The following MOB3B variants were observed in gnomAD, a reference collection of about 807,000 sequenced individuals.
The protein encoded by MOB3B is MOB kinase activator 3B.
In MOB3B, 7 loss-of-function variants were observed where a neutral mutation model predicts 18.7. The ratio of observed to expected loss-of-function variants is 0.37; its 90% CI spans 0.21 to 0.70. The LOEUF (loss-of-function observed/expected upper bound fraction) is 0.70. Ranked by LOEUF, MOB3B falls within the 30% of genes least tolerant of loss-of-function variation. MOB3B has a pLI of 0.52. For synonymous variants in MOB3B, 111 were observed against 99.9 expected (o/e 1.11, Z -0.66); for missense variants, 253 against 281.3 (o/e 0.90, Z 0.72).
chr9:27,444,042 C>T (rs1465747616), intron 2 of MOB3B, among the ~76,000 whole-genome samples: 1 of 151,942 alleles, frequency 6.6e-6, no homozygotes, highest in African/African-American at 2.4e-5. Context: ...AGCACAAGGC[C>T]ATGGCAGATG....
intron 2 of MOB3B, among the ~76,000 whole-genome samples, chr9:27,359,501 C>T (rs1821243520): frequency 6.6e-6 from 1 of 152,176 alleles, no homozygotes; most frequent in East Asian, 1.9e-4. Flanking sequence ...GTTAGAGCTT[C>T]TAATTTTTCA....
At chr9:27,406,421 A>C (rs1001124184) in intron 2 of MOB3B, among the ~76,000 whole-genome samples, 1 of 152,258 alleles carries the variant, frequency 6.6e-6, no homozygotes, top group African/African-American at 2.4e-5. Context: ...AAAACCTGGA[A>C]TAGCCGAAGC....
chr9:27,425,935 A>T (rs1822322198), intron 2 of MOB3B, among the ~76,000 whole-genome samples: 1 of 152,308 alleles, frequency 6.6e-6, no homozygotes, highest in East Asian at 1.9e-4. Context: ...GTGACGGCAA[A>T]CTGACTTATC....
At chr9:27,509,001 G>A (rs1024377927) in intron 1 of MOB3B, among the ~76,000 whole-genome samples, 2 of 152,122 alleles carry the variant, frequency 1.3e-5, no homozygotes, top group Non-Finnish European at 2.9e-5. Flanking sequence ...GAGTGCTGTC[G>A]TCAGTTGGCG....
chr9:27,371,236 G>T (rs1172909894), intron 2 of MOB3B, among the ~76,000 whole-genome samples: 1 of 152,216 alleles, frequency 6.6e-6, no homozygotes, highest in Non-Finnish European at 1.5e-5. Context: ...GATCCTCTTT[G>T]TACAGTTGGG....
chr9:27,354,091 GGTTCCC>G, intron 3 of MOB3B, among the ~76,000 whole-genome samples: 1 of 152,336 alleles, frequency 6.6e-6, no homozygotes, highest in Non-Finnish European at 1.5e-5. Flanking sequence ...TGTTTGCCTG[GGTTCCC>G]AGGCTGCCAG....
At chr9:27,342,086 G>A (rs1279843665) in intron 3 of MOB3B, among the ~76,000 whole-genome samples, 1 of 152,166 alleles carries the variant, frequency 6.6e-6, no homozygotes, top group Non-Finnish European at 1.5e-5. Context: ...ATGGATGAAT[G>A]CCTGTGGCTG....
chr9:27,436,037 C>T (rs572051279), intron 2 of MOB3B, among the ~76,000 whole-genome samples: 11 of 149,584 alleles, frequency 7.4e-5, no homozygotes, highest in Non-Finnish European at 1.3e-4. Context: ...AGTTTTCTCA[C>T]GTCAGGACCT....
intron 2 of MOB3B, among the ~76,000 whole-genome samples, chr9:27,391,983 C>T (rs7021700): frequency 0.22 from 33,387 of 152,074 alleles, 4,699 homozygotes; most frequent in East Asian, 0.67. Context: ...GGCAAAAATA[C>T]AGAATTCTCA....
At chr9:27,458,545 A>C (rs1046000554) in intron 1 of MOB3B, among the ~76,000 whole-genome samples, 1 of 141,324 alleles carries the variant, frequency 7.1e-6, no homozygotes, top group Admixed American at 6.9e-5. Flanking sequence ...AGACAGGAAG[A>C]TCACCTGAAC....
chr9:27,372,312 A>G (rs1821435147), intron 2 of MOB3B, among the ~76,000 whole-genome samples: 2 of 152,262 alleles, frequency 1.3e-5, no homozygotes, highest in South Asian at 4.1e-4. Flanking sequence ...TATAACCTAA[A>G]GTAGAAAATA....
rs150465650 is a variant in MOB3B, at chr9:27,362,999, G to A, written c.419-3763C>T. On this transcript the variant is annotated intron_variant, in intron 2 of 3. Transcript: ENST00000262244. ...AGACTCTGGAACTTTCTCATTCTATGTAACTAACCTCATGGCAGCAAGATA... is the reference window on the plus strand; with the variant it reads ...AGACTCTGGAACTTTCTCATTCTATATAACTAACCTCATGGCAGCAAGATA... Among the ~76,000 whole-genome samples, 17 of 152,268 alleles carry A rather than the reference G, an allele frequency of 1.1e-4. 1 individual carries two copies. In the East Asian group the frequency reaches 3.3e-3, roughly 29 times the overall value.
At chr9:27,359,332 A>T in intron 2 of MOB3B, 96 bp from the exon 3 acceptor site, 1 of 846,112 alleles carries the variant, frequency 1.2e-6, no homozygotes, top group Non-Finnish European at 1.8e-6. Flanking sequence ...GCAATGCTAC[A>T]GGGAGACTGG....
At chr9:27,487,206 T>G (rs1819741777) in intron 1 of MOB3B, among the ~76,000 whole-genome samples, 1 of 151,798 alleles carries the variant, frequency 6.6e-6, no homozygotes, top group African/African-American at 2.4e-5. Flanking sequence ...AACGTTTCTA[T>G]AAGTCATGCC....
chr9:27,501,058 C>G (rs1819984832), intron 1 of MOB3B, among the ~76,000 whole-genome samples: 2 of 152,154 alleles, frequency 1.3e-5, no homozygotes, highest in African/African-American at 4.8e-5. Flanking sequence ...GAGATACCAT[C>G]TCACACTAGT....
At chr9:27,377,893 G>C (rs1821514819) in intron 2 of MOB3B, among the ~76,000 whole-genome samples, 1 of 152,210 alleles carries the variant, frequency 6.6e-6, no homozygotes, top group Non-Finnish European at 1.5e-5. Flanking sequence ...GTCCCCCACA[G>C]GGGGTTGAAG....
intron 2 of MOB3B, among the ~76,000 whole-genome samples, chr9:27,401,233 T>C (rs936826923): frequency 6.6e-6 from 1 of 152,174 alleles, no homozygotes; most frequent in Non-Finnish European, 1.5e-5. Flanking sequence ...GAGACTTCAC[T>C]CCCTCCTCAT....
chr9:27,479,478 C>T (rs1342409407), intron 1 of MOB3B, among the ~76,000 whole-genome samples: 1 of 152,010 alleles, frequency 6.6e-6, no homozygotes, highest in Non-Finnish European at 1.5e-5. Flanking sequence ...AAAACATATT[C>T]ATACCAAAAA....
chr9:27,481,243 G>A (rs1819644357), intron 1 of MOB3B, among the ~76,000 whole-genome samples: 1 of 152,210 alleles, frequency 6.6e-6, no homozygotes, highest in African/African-American at 2.4e-5. Context: ...AAAGACTCCA[G>A]CAGATATGGA....
Sources: allele counts gnomAD v4.1 joint callset (sites outside exome capture counted in the v4.1 genomes callset), GRCh38; gene constraint gnomAD v4.1.1; transcripts MANE v1.5; gene names NCBI Gene and HGNC (gene_info 2026-07-23, HGNC 2026-07-21).